MYO7B: variants seen among roughly 807,000 people sequenced by gnomAD.
MYO7B encodes the protein unconventional myosin-VIIb.
Under a neutral mutation model 259.7 loss-of-function variants are expected in MYO7B, and 212 were observed. That is an observed-to-expected ratio of 0.82 (90% CI 0.73 to 0.91). The LOEUF (loss-of-function observed/expected upper bound fraction) is 0.91. MYO7B is among the 40% of genes least tolerant of loss of function. The pLI is 0.00. For synonymous variants in MYO7B, 1,197 were observed against 1,166.4 expected (o/e 1.03, Z -0.54); for missense variants, 2,732 against 2,813.5 (o/e 0.97, Z 0.66).
In MYO7B at chr2:127,588,334, C is replaced by G. The variant is rs138664801; in HGVS notation, c.1691-58C>G. 1.7e-3 allele frequency: 2,655 copies of G among 1,584,180 alleles called. 18 individuals are homozygous for G. Among genetic ancestry groups the G allele is most frequent in the Middle Eastern group, 3.5e-3 (18 of 5,186 alleles). On this transcript the variant is annotated intron_variant, in intron 14 of 47. Coordinates refer to ENST00000409816, the MANE Select transcript of MYO7B (RefSeq NM_001393586.1). ...TTCCCCCACACTGCCCTCTTCTTCC[C>G]CATGGGTGGGCAGTGATGGCTAAGC...
At position 127,581,926 on chromosome 2, in the gene MYO7B, G is replaced by C. The variant is rs370094047; in HGVS notation, c.1116G>C (p.Lys372Asn). Reference sequence around the variant, plus strand: ...AGGAGCTCCGGGACTGTCTGATCAAGCACACCATCCTCATCCGAGGGGAAT... The same window carrying C: ...AGGAGCTCCGGGACTGTCTGATCAACCACACCATCCTCATCCGAGGGGAAT... ...QHQELRDCLI[K>N]HTILIRGEFV... The change falls in exon 11 of 48, where the codon AAG becomes AAC. Residue 372 changes from lysine (K) to asparagine (N), a missense_variant. By Grantham distance (94) the Lys-to-Asn change is moderately conservative. Coordinates refer to ENST00000409816, the MANE Select transcript of MYO7B (RefSeq NM_001393586.1). 6.2e-7 allele frequency: 1 copy of C among 1,613,884 alleles called. No homozygotes were observed. The highest frequency in any genetic ancestry group is 8.5e-7 in the Non-Finnish European group (1 of 1,179,870).
intron 19 of MYO7B, among the ~76,000 whole-genome samples, chr2:127,604,132 C>A (rs2264727): frequency 0.29 from 43,964 of 151,764 alleles, 6,679 homozygotes; most frequent in South Asian, 0.37. Flanking sequence ...GCCTCCATCT[C>A]AAAAAAAAGA....
chr2:127,625,425 G>C lies in MYO7B; in HGVS notation c.4105G>C (p.Ala1369Pro). 10 of 1,610,908 alleles carry C rather than the reference G, an allele frequency of 6.2e-6. No individual in the cohort carries two copies. The highest frequency in any genetic ancestry group is 8.5e-6 in the Non-Finnish European group (10 of 1,179,148). Residue 1369 changes from alanine (A) to proline (P), a missense_variant, in exon 31 of 48, where the codon GCA (alanine) becomes CCA (proline). By Grantham distance (27) the Ala-to-Pro change is conservative. This residue lies in a region of MYO7B where 1,906 missense variants were observed against 2,026.4 expected (regional missense o/e 0.94). Transcript: ENST00000409816. ...CTGCTACGTGCAGCTCGGCGCCTCA[G>C]CAGAGAGCAAGGCTGTCCAGGAGCT... is the stretch of plus-strand genomic sequence containing the variant. ...RHCYVQLGAS[A>P]ESKAVQELLP...
intron 41 of MYO7B, 118 bp from the exon 42 acceptor site, chr2:127,634,478 C>T (rs1681686851): frequency 4.1e-6 from 4 of 964,788 alleles, no homozygotes; most frequent in East Asian, 5.2e-5. Context: ...AGCCCACGCA[C>T]AGCCGACTCC....
rs553999531 is a variant in MYO7B, at chr2:127,623,029, T to C, written c.3646-173T>C. On this transcript the variant is annotated intron_variant, in intron 28 of 47. Coordinates refer to ENST00000409816, the MANE Select transcript of MYO7B (RefSeq NM_001393586.1). ...GGCAAACACCTGTTGGCCTGAATTTTGTTTTCTATGCCAAGCCCATGGCCT... is the reference window on the plus strand; with the variant it reads ...GGCAAACACCTGTTGGCCTGAATTTCGTTTTCTATGCCAAGCCCATGGCCT... Among the ~76,000 whole-genome samples, 43 of 152,302 alleles carry C rather than the reference T, an allele frequency of 2.8e-4. 1 individual carries two copies. Among genetic ancestry groups the C allele is most frequent in the African/African-American group, 9.6e-4 (40 of 41,570 alleles).
At chr2:127,574,712 A>G (rs1370622293) in intron 7 of MYO7B, among the ~76,000 whole-genome samples, 1 of 152,246 alleles carries the variant, frequency 6.6e-6, no homozygotes, top group African/African-American at 2.4e-5. Flanking sequence ...ACAGTATCCC[A>G]AATACCACAT....
intron 16 of MYO7B, 22 bp from the exon 17 acceptor site, chr2:127,592,772 A>C: frequency 5.6e-6 from 9 of 1,599,792 alleles, no homozygotes; most frequent in Non-Finnish European, 7.7e-6. Flanking sequence ...GCGCTGGGTC[A>C]GCGCCCGGTG....
Position 127,613,192 on chromosome 2 carries a change from T to C in MYO7B, c.3398+589T>C, listed in dbSNP as rs1258513841. On this transcript the variant is annotated intron_variant, in intron 26 of 47. Coordinates refer to ENST00000409816, the MANE Select transcript of MYO7B (RefSeq NM_001393586.1). This position sits in a 1 kb window ranked among gnomAD's most constrained non-coding sequence, Gnocchi z 4.3. ...CCCCATTCTGTCTCTCTCCTTTCCTTCAAAATCTAATTAAGCCTCTGTAAG... is the reference window on the plus strand; with the variant it reads ...CCCCATTCTGTCTCTCTCCTTTCCTCCAAAATCTAATTAAGCCTCTGTAAG... Among the ~76,000 whole-genome samples the C allele has an allele frequency of 2.0e-5, 3 of 152,236 alleles. No homozygotes were observed. Among genetic ancestry groups the C allele is most frequent in the Non-Finnish European group, 4.4e-5 (3 of 68,040 alleles).
chr2:127,580,272 C>T (rs558289702), intron 9 of MYO7B, among the ~76,000 whole-genome samples: 1 of 152,286 alleles, frequency 6.6e-6, no homozygotes, highest in South Asian at 2.1e-4. Context: ...AGCTGGGAGG[C>T]CAGTCAGGAG....
chr2:127,552,042 A>G (rs1693464200), intron 1 of MYO7B, among the ~76,000 whole-genome samples: 1 of 152,156 alleles, frequency 6.6e-6, no homozygotes. Flanking sequence ...AGTTCAAGGG[A>G]AATCACAGTA....
intron 3 of MYO7B, 82 bp downstream of exon 3, chr2:127,564,348 C>G: frequency 2.6e-6 from 3 of 1,142,176 alleles, no homozygotes; most frequent in Non-Finnish European, 3.7e-6. Context: ...TGTGGAGCCT[C>G]TCCCCAACAC....
chr2:127,537,190 A>C (rs1387396715), intron 1 of MYO7B, among the ~76,000 whole-genome samples: 11 of 152,220 alleles, frequency 7.2e-5, no homozygotes, highest in Non-Finnish European at 1.5e-4. Context: ...AAAGGGGATT[A>C]GTCATTTCAA....
At chr2:127,620,182 T>C (rs1680771992) in intron 26 of MYO7B, 158 bp from the exon 27 acceptor site, 1 of 789,180 alleles carries the variant, frequency 1.3e-6, no homozygotes, top group East Asian at 2.6e-5. Context: ...GGTGGCACTG[T>C]CCTGAGAGAG....
chr2:127,582,590 G>T (rs1679148077), intron 12 of MYO7B, 144 bp downstream of exon 12: 4 of 991,708 alleles, frequency 4.0e-6, no homozygotes, highest in South Asian at 1.7e-5. Flanking sequence ...TCTGCATGGG[G>T]TGGCTGCTGT....
At chr2:127,540,250 G>A (rs982613036) in intron 1 of MYO7B, among the ~76,000 whole-genome samples, 1 of 150,902 alleles carries the variant, frequency 6.6e-6, no homozygotes, top group Non-Finnish European at 1.5e-5. Flanking sequence ...TGCAATCTCC[G>A]CCTCCCGGAT....
At position 127,634,295 on chromosome 2, in the gene MYO7B, C is replaced by A. The variant is rs376543520; in HGVS notation, c.5625+6C>A. The A allele has an allele frequency of 1.9e-5, 29 of 1,563,810 alleles. No homozygotes were observed. Among genetic ancestry groups the A allele is most frequent in the Non-Finnish European group, 2.4e-5 (28 of 1,156,646 alleles). On this transcript the variant is annotated splice_donor_region_variant and intron_variant, in intron 41 of 47. Transcript: ENST00000409816. Reference sequence around the variant, plus strand: ...TCATCAAGATTTCAGACAAGGTGGGCCGGGCTGGGGCTGGGCAGACGGTGG... The same window carrying A: ...TCATCAAGATTTCAGACAAGGTGGGACGGGCTGGGGCTGGGCAGACGGTGG...
At chr2:127,566,514 C>A in intron 4 of MYO7B, 129 bp from the exon 5 acceptor site, 2 of 842,214 alleles carry the variant, frequency 2.4e-6, no homozygotes, top group South Asian at 1.9e-5. Context: ...GAATCAGATT[C>A]TACTTCCCCA....
Position 127,612,622 on chromosome 2 carries a change from C to T in MYO7B, c.3398+19C>T. 1 of 1,608,364 alleles carries T rather than the reference C, an allele frequency of 6.2e-7. No homozygotes were observed. Among genetic ancestry groups the T allele is most frequent in the South Asian group, 1.1e-5 (1 of 89,834 alleles). On this transcript the variant is annotated intron_variant, in intron 26 of 47. Coordinates refer to ENST00000409816, the MANE Select transcript of MYO7B (RefSeq NM_001393586.1). ...GCCTCAGGTCAGTTCCCACTCCCAT[C>T]CCGGCCCCATTCAGAGCATCAGATG...
chr2:127,602,695 C>T lies in MYO7B; in HGVS notation c.2340-3149C>T, dbSNP rs866584493. Among the ~76,000 whole-genome samples, 15 of 151,944 alleles carry T rather than the reference C, an allele frequency of 9.9e-5. No homozygotes were observed. The Middle Eastern group carries it at 0.01, about 103-fold the overall frequency. On this transcript the variant is annotated intron_variant, in intron 19 of 47. Transcript: ENST00000409816. ...GGAAACAACAACAACACTTTCTTTG[C>T]TCATCTATAAGAAGCAACTCCTGGC...
Sources: gnomAD v4.1 joint callset for allele counts (sites outside exome capture counted in the v4.1 genomes callset) on GRCh38, gnomAD v4.1.1 for gene constraint, gnomAD v4.1.1 regional missense constraint, Gnocchi (gnomAD v3.1) non-coding constraint, MANE v1.5 for transcripts, NCBI Gene and HGNC (gene_info 2026-07-23, HGNC 2026-07-21) for gene names.